WDPCP: variants seen among roughly 807,000 people sequenced by gnomAD.
The protein encoded by WDPCP is WD repeat containing planar cell polarity effector.
In WDPCP, 71 loss-of-function variants were observed where a neutral mutation model predicts 93.1. The ratio of observed to expected loss-of-function variants is 0.76; its 90% CI spans 0.63 to 0.93. The LOEUF (loss-of-function observed/expected upper bound fraction) is 0.93, where lower values mean the gene tolerates loss of function less well. Among genes scored for constraint, WDPCP ranks in the 40% least tolerant of loss-of-function variants. WDPCP has a pLI of 0.00. For missense variants in WDPCP, 844 were observed against 887.4 expected, an observed-to-expected ratio of 0.95 and a Z score of 0.62; for synonymous variants, 315 against 315.0, an observed-to-expected ratio of 1.00 and a Z score of 0.00.
intron 2 of WDPCP, among the ~76,000 whole-genome samples, chr2:63,665,616 G>A (rs1710274274): frequency 6.6e-6 from 1 of 152,230 alleles, no homozygotes; most frequent in Non-Finnish European, 1.5e-5. Flanking sequence ...ACCCATAGCA[G>A]TGGTCAACTG....
intron 7 of WDPCP, among the ~76,000 whole-genome samples, chr2:63,438,703 C>G (rs964486624): frequency 6.6e-6 from 1 of 152,018 alleles, no homozygotes; most frequent in Admixed American, 6.6e-5. Context: ...TTATGGCCAT[C>G]CTGCAGAGTT....
At chr2:63,722,630 G>A (rs562256321) in intron 2 of WDPCP, among the ~76,000 whole-genome samples, 3 of 131,952 alleles carry the variant, frequency 2.3e-5, no homozygotes, top group Non-Finnish European at 3.3e-5. Flanking sequence ...GCCCCCGCCC[G>A]GCCAGCCGCC....
intron 2 of WDPCP, among the ~76,000 whole-genome samples, chr2:63,658,080 G>C (rs887130423): frequency 6.6e-6 from 1 of 151,922 alleles, no homozygotes; most frequent in Non-Finnish European, 1.5e-5. Flanking sequence ...AAAACTGAAG[G>C]TTCACCCTTT....
intron 14 of WDPCP, among the ~76,000 whole-genome samples, chr2:63,222,974 A>C (rs1237825213): frequency 6.6e-6 from 1 of 152,126 alleles, no homozygotes; most frequent in Non-Finnish European, 1.5e-5. Flanking sequence ...AGAATACCTG[A>C]TTGATATAAA....
At chr2:63,479,965 C>T (rs939474107) in intron 6 of WDPCP, among the ~76,000 whole-genome samples, 5 of 152,070 alleles carry the variant, frequency 3.3e-5, no homozygotes, top group African/African-American at 4.8e-5. Context: ...ATGATACAAT[C>T]GTTTACCTTG....
At chr2:63,422,436 C>A (rs1695934938) in intron 9 of WDPCP, among the ~76,000 whole-genome samples, 1 of 152,082 alleles carries the variant, frequency 6.6e-6, no homozygotes, top group Non-Finnish European at 1.5e-5. Context: ...TCAGAAAGTA[C>A]TAGAGAATCA....
intron 1 of WDPCP, among the ~76,000 whole-genome samples, chr2:63,558,815 A>G (rs1030315478): frequency 1.8e-4 from 28 of 152,200 alleles, no homozygotes; most frequent in African/African-American, 6.8e-4. Flanking sequence ...AAAAAACGCC[A>G]GGACCAAATG....
At chr2:63,552,800 A>G (rs181521016) in intron 1 of WDPCP, among the ~76,000 whole-genome samples, 1 of 152,358 alleles carries the variant, frequency 6.6e-6, no homozygotes, top group Admixed American at 6.5e-5. Flanking sequence ...CTTGGAAGGA[A>G]TAGAACCTGT....
chr2:63,793,046 T>A (rs1436812415), intron 2 of WDPCP, among the ~76,000 whole-genome samples: 2 of 152,140 alleles, frequency 1.3e-5, no homozygotes, highest in African/African-American at 4.8e-5. Flanking sequence ...CACAGAATAA[T>A]TTCAAAGACA....
chr2:63,159,729 C>T (rs966597788), intron 15 of WDPCP, among the ~76,000 whole-genome samples: 3 of 150,980 alleles, frequency 2.0e-5, no homozygotes, highest in African/African-American at 7.2e-5. Context: ...TTGGTGATAT[C>T]TGCAGTGCTG....
chr2:63,693,403 A>G (rs1316325793), intron 2 of WDPCP, among the ~76,000 whole-genome samples: 2 of 152,046 alleles, frequency 1.3e-5, no homozygotes, highest in African/African-American at 4.8e-5. Context: ...ACCAAGCAAA[A>G]GAAAAGATGG....
At chr2:63,535,330 A>G (rs1017379934) in intron 1 of WDPCP, among the ~76,000 whole-genome samples, 4 of 152,212 alleles carry the variant, frequency 2.6e-5, no homozygotes, top group Non-Finnish European at 5.9e-5. Flanking sequence ...CAAGCTACCA[A>G]TGACTTTCTT....
rs1672025805 is a variant in WDPCP at position 63,153,566 on chromosome 2, A to G, written c.2087T>C (p.Ile696Thr). 2 of 1,612,164 alleles carry G rather than the reference A, an allele frequency of 1.2e-6. No individual in the cohort carries two copies. Among genetic ancestry groups the G allele is most frequent in the South Asian group, 1.1e-5 (1 of 90,874 alleles). The stretch of plus-strand genomic sequence containing the variant: ...TTTTTCAAGTTCATTCCTTCTGTCA[A>G]TTATTTGTCTGCAGTATATGGGTGT... ...ILNGSSNRQIIDRRNELEKDI... is the reference protein window; with the variant it reads ...ILNGSSNRQITDRRNELEKDI... The change falls in exon 16 of 18, where the codon ATT becomes ACT. Residue 696 changes from isoleucine (I) to threonine (T), a missense_variant. Coordinates refer to ENST00000272321, the MANE Select transcript of WDPCP (RefSeq NM_015910.7).
intron 1 of WDPCP, among the ~76,000 whole-genome samples, chr2:63,511,053 C>T (rs949368024): frequency 3.9e-5 from 6 of 152,170 alleles, no homozygotes; most frequent in Admixed American, 1.3e-4. Context: ...TCAGCAAAGT[C>T]TCAGGATACA....
intron 10 of WDPCP, among the ~76,000 whole-genome samples, chr2:63,398,785 T>TA (rs1446041866): frequency 6.6e-6 from 1 of 151,566 alleles, no homozygotes; most frequent in African/African-American, 2.4e-5. Flanking sequence ...AAAAATCTCA[T>TA]AAATGCTCCC....
intron 12 of WDPCP, among the ~76,000 whole-genome samples, chr2:63,347,187 A>G (rs914861499): frequency 1.3e-5 from 2 of 152,218 alleles, no homozygotes; most frequent in African/African-American, 4.8e-5. Context: ...CAGCCCTGTT[A>G]AATTGGTAGT....
At chr2:63,520,278 G>A (rs780769938) in intron 1 of WDPCP, among the ~76,000 whole-genome samples, 4 of 152,136 alleles carry the variant, frequency 2.6e-5, no homozygotes, top group Non-Finnish European at 5.9e-5. Flanking sequence ...TCTCTGAAAG[G>A]GAGGAAGGGA....
chr2:63,567,447 C>G (rs1707161007), intron 1 of WDPCP, among the ~76,000 whole-genome samples: 2 of 152,180 alleles, frequency 1.3e-5, no homozygotes, highest in South Asian at 4.1e-4. Flanking sequence ...ATATCACACT[C>G]TCAACTTAAC....
chr2:63,445,856 A>G (rs1697823937), intron 6 of WDPCP, among the ~76,000 whole-genome samples: 1 of 152,228 alleles, frequency 6.6e-6, no homozygotes, highest in Admixed American at 6.5e-5. Flanking sequence ...TATATGCAAC[A>G]TAATGCATGT....
Sources: allele counts gnomAD v4.1 joint callset (sites outside exome capture counted in the v4.1 genomes callset), GRCh38; gene constraint gnomAD v4.1.1; transcripts MANE v1.5; gene names NCBI Gene and HGNC (gene_info 2026-07-23, HGNC 2026-07-21).